The following AOAH variants were observed in gnomAD, a reference collection of about 807,000 sequenced individuals.
AOAH encodes acyloxyacyl hydrolase.
Under a neutral mutation model 92.2 loss-of-function variants are expected in AOAH, and 64 were observed. That is an observed-to-expected ratio of 0.69 (90% CI 0.57 to 0.86). The LOEUF is 0.86. Ranked by LOEUF, AOAH falls within the 40% of genes least tolerant of loss-of-function variation. AOAH has a pLI of 0.00. For synonymous variants in AOAH, 263 were observed against 254.5 expected (o/e 1.03, Z -0.32); for missense variants, 656 against 694.6 (o/e 0.94, Z 0.62).
intron 11 of AOAH, among the ~76,000 whole-genome samples, chr7:36,608,556 T>A (rs1362127914): frequency 2.6e-5 from 4 of 152,234 alleles, no homozygotes; most frequent in Non-Finnish European, 2.9e-5. Context: ...AAGGTAGCCA[T>A]CATTATTTAT....
rs192071191 is a variant in AOAH at position 36,711,675 on chromosome 7, A to C, written c.127+12347T>G. 4.7e-4 allele frequency among the ~76,000 whole-genome samples: 71 copies of C among 152,338 alleles called. No individual in the cohort carries two copies. In the East Asian group the frequency reaches 0.011, roughly 24 times the overall value. On this transcript the variant is annotated intron_variant, in intron 1 of 20. Transcript: ENST00000617537. ...TATGGGAACTGCCACGGTAAAGGGC[A>C]CGTGCAGAGGGCAGTAGCTGTGTCC...
intron 1 of AOAH, among the ~76,000 whole-genome samples, chr7:36,718,718 ATTATCGTAT>A (rs1168407101): frequency 2.0e-5 from 3 of 152,186 alleles, no homozygotes; most frequent in Non-Finnish European, 4.4e-5. Context: ...CATGTTTTAT[ATTATCGTAT>A]TTATGTGAAA....
intron 3 of AOAH, among the ~76,000 whole-genome samples, chr7:36,659,755 C>T (rs954481588): frequency 2.3e-4 from 29 of 127,868 alleles, no homozygotes; most frequent in Middle Eastern, 4.2e-3. Context: ...TTTTTTCTTT[C>T]TTTTTTTTTT....
chr7:36,606,146 A>G (rs900705156), intron 11 of AOAH, among the ~76,000 whole-genome samples: 1 of 152,234 alleles, frequency 6.6e-6, no homozygotes, highest in Non-Finnish European at 1.5e-5. Flanking sequence ...TTTTGTATGC[A>G]TCATGAAAAT....
intron 13 of AOAH, 35 bp downstream of exon 13, chr7:36,576,539 A>G (rs1444407707): frequency 8.1e-7 from 1 of 1,234,636 alleles, no homozygotes; most frequent in Admixed American, 2.2e-5. Context: ...TCATTACAGG[A>G]ACATTGATGA....
At position 36,586,127 on chromosome 7, in the gene AOAH, C is replaced by T. The variant is rs1048268582; in HGVS notation, c.938+8212G>A. Among the ~76,000 whole-genome samples, 4 of 152,150 alleles carry T rather than the reference C, an allele frequency of 2.6e-5. No homozygotes were observed. The East Asian group carries it at 7.7e-4, about 29-fold the overall frequency. On this transcript the variant is annotated intron_variant, in intron 12 of 20. Coordinates refer to ENST00000617537, the MANE Select transcript of AOAH (RefSeq NM_001637.4). Reference sequence around the variant, plus strand: ...CTAGGCTTCATTCTTTCCTTCATTCCCTTTCTCTGCCTTTTAGATCATCCT... The same window carrying T: ...CTAGGCTTCATTCTTTCCTTCATTCTCTTTCTCTGCCTTTTAGATCATCCT...
intron 2 of AOAH, among the ~76,000 whole-genome samples, chr7:36,678,064 AG>A (rs1796367232): frequency 6.6e-6 from 1 of 152,236 alleles, no homozygotes; most frequent in South Asian, 2.1e-4. Context: ...CTGTACTGAA[AG>A]TCACTAAATT....
Position 36,546,149 on chromosome 7 carries a change from T to A in AOAH, c.1133+2463A>T, listed in dbSNP as rs975494139. On this transcript the variant is annotated intron_variant, in intron 15 of 20. Coordinates refer to ENST00000617537, the MANE Select transcript of AOAH (RefSeq NM_001637.4). ...GTGACCCTCACTCATTTAACCAGTA[T>A]TTGTTGAGTAACTGGATGAGTTTAG... is the stretch of plus-strand genomic sequence containing the variant. Among the ~76,000 whole-genome samples, 3 of 152,348 alleles carry A rather than the reference T, an allele frequency of 2.0e-5. No homozygotes were observed. The East Asian group carries it at 5.8e-4, about 29-fold the overall frequency.
intron 1 of AOAH, among the ~76,000 whole-genome samples, chr7:36,702,032 C>T (rs4723554): frequency 0.82 from 124,457 of 152,064 alleles, 51,205 homozygotes; most frequent in East Asian, 1. Flanking sequence ...TGTGGTAAGA[C>T]TTCACAACTT....
At chr7:36,691,630 T>C (rs1221722218) in intron 1 of AOAH, among the ~76,000 whole-genome samples, 1 of 152,284 alleles carries the variant, frequency 6.6e-6, no homozygotes, top group Non-Finnish European at 1.5e-5. Context: ...CTATTACTTA[T>C]GAATTGGTGC....
At chr7:36,626,849 C>T (rs1357432471) in intron 6 of AOAH, among the ~76,000 whole-genome samples, 1 of 152,090 alleles carries the variant, frequency 6.6e-6, no homozygotes, top group Non-Finnish European at 1.5e-5. Flanking sequence ...TAGCTCCTGA[C>T]CTTAAGTGGT....
chr7:36,623,202 G>A lies in AOAH; in HGVS notation c.570C>T (p.Tyr190=), dbSNP rs780485941. Residue 190 remains tyrosine (Y), a synonymous_variant, in exon 7 of 21, where the codon TAC becomes TAT. Coordinates refer to ENST00000617537, the MANE Select transcript of AOAH (RefSeq NM_001637.4). ...VPFKDVDSDK[Y]SVFPTLRGYH... is the part of the protein sequence containing the mutation. ...TAACAATACTTACTGGGAAAACGCT[G>A]TATTTGTCTGAATCCACATCTTTGA... The A allele has an allele frequency of 7.4e-6, 12 of 1,613,856 alleles. No homozygotes were observed. In the Admixed American group the frequency reaches 1.5e-4, roughly 20 times the overall value.
intron 12 of AOAH, among the ~76,000 whole-genome samples, chr7:36,590,074 T>A (rs190434300): frequency 5.9e-5 from 9 of 152,094 alleles, no homozygotes; most frequent in Admixed American, 4.6e-4. Flanking sequence ...CGTCTCAGCC[T>A]CCTGAGTAGC....
chr7:36,682,267 A>T (rs1796698073), intron 2 of AOAH, among the ~76,000 whole-genome samples: 1 of 125,664 alleles, frequency 8.0e-6, no homozygotes, highest in Non-Finnish European at 1.9e-5. Context: ...ATAGGGAAAC[A>T]GTCAGAAAAA....
chr7:36,674,019 A>G lies in AOAH; in HGVS notation c.224-10T>C. 2 of 1,538,806 alleles carry G rather than the reference A, an allele frequency of 1.3e-6. No homozygotes were observed. Among genetic ancestry groups the G allele is most frequent in the Non-Finnish European group, 1.8e-6 (2 of 1,112,808 alleles). On this transcript the variant is annotated splice_polypyrimidine_tract_variant and intron_variant, in intron 2 of 20. Transcript: ENST00000617537. ...TTCAAGAACAGTTTTTCTAAAAAAT[A>G]TAAAGAGGGAAATTGAATATATTTT...
At chr7:36,621,594 A>G (rs1220348183) in intron 8 of AOAH, 116 bp downstream of exon 8, 8 of 994,368 alleles carry the variant, frequency 8.0e-6, no homozygotes, top group South Asian at 2.7e-5. Context: ...CAATCGGAAC[A>G]TGAAAATCTC....
chr7:36,684,430 A>C (rs1255139239), intron 2 of AOAH, among the ~76,000 whole-genome samples: 1 of 152,182 alleles, frequency 6.6e-6, no homozygotes, highest in Non-Finnish European at 1.5e-5. Context: ...GAAAAGAATC[A>C]AGCATTTATC....
At chr7:36,538,922 G>T (rs1199189294) in intron 16 of AOAH, among the ~76,000 whole-genome samples, 1 of 152,220 alleles carries the variant, frequency 6.6e-6, no homozygotes, top group Non-Finnish European at 1.5e-5. Flanking sequence ...GGAGAATAGG[G>T]AATGTGGGTG....
chr7:36,648,802 CA>C (rs1794399278), intron 4 of AOAH, among the ~76,000 whole-genome samples: 1 of 152,092 alleles, frequency 6.6e-6, no homozygotes, highest in South Asian at 2.1e-4. Flanking sequence ...TAATCAAAAA[CA>C]AGAATCTCAA....
Sources: allele counts gnomAD v4.1 joint callset (sites outside exome capture counted in the v4.1 genomes callset), GRCh38; gene constraint gnomAD v4.1.1; transcripts MANE v1.5; gene names NCBI Gene and HGNC (gene_info 2026-07-23, HGNC 2026-07-21).